The following RBM33 variants were observed in gnomAD, a reference collection of about 807,000 sequenced individuals.
The protein encoded by RBM33 is RNA binding motif protein 33, also known as RNA-binding protein 33.
RBM33 carries 28 observed loss-of-function variants against 132.6 expected under a neutral mutation model. The observed-to-expected ratio is 0.21, with a 90% confidence interval of 0.16 to 0.29. The LOEUF (loss-of-function observed/expected upper bound fraction) is 0.29. Ranked by LOEUF, RBM33 falls within the 10% of genes least tolerant of loss-of-function variation. RBM33 has a pLI of 1.00. For synonymous variants in RBM33, 634 were observed against 593.0 expected (o/e 1.07, Z -1.01); for missense variants, 1,291 against 1,518.5 (o/e 0.85, Z 2.49).
intron 14 of RBM33, among the ~76,000 whole-genome samples, chr7:155,748,273 T>C (rs926497495): frequency 6.6e-6 from 1 of 152,260 alleles, no homozygotes; most frequent in African/African-American, 2.4e-5. Context: ...TTCCCTTTTT[T>C]CTAATTTAAC....
At chr7:155,659,173 T>A (rs1563130437) in intron 1 of RBM33, among the ~76,000 whole-genome samples, 3 of 152,184 alleles carry the variant, frequency 2.0e-5, no homozygotes, top group African/African-American at 7.2e-5. Flanking sequence ...ATATCCAGTT[T>A]TAAATAGTAA....
Position 155,745,769 on chromosome 7 carries a change from A to G in RBM33, c.2979+167A>G, listed in dbSNP as rs28682883. 0.23 allele frequency: 155,828 copies of G among 674,042 alleles called. 20,439 individuals are homozygous for G. The highest frequency in any genetic ancestry group is 0.45 in the African/African-American group (24,986 of 55,196). 41.8% of individuals were successfully genotyped at this position (674,042 alleles called of 1,614,324 possible). A position where few individuals can be genotyped will look rare whatever the true frequency, so the allele number is the denominator to read the frequency against. On this transcript the variant is annotated intron_variant, in intron 14 of 17. Coordinates refer to ENST00000401878, the MANE Select transcript of RBM33 (RefSeq NM_053043.3). This position sits in a 1 kb window ranked among gnomAD's most constrained non-coding sequence, Gnocchi z 4.1. ...GGTATAAGAATTGCCGCTTGACGACAGGCATACATTCTCAGAAATGTGTTG... is the reference window on the plus strand; with the variant it reads ...GGTATAAGAATTGCCGCTTGACGACGGGCATACATTCTCAGAAATGTGTTG...
intron 9 of RBM33, among the ~76,000 whole-genome samples, chr7:155,735,010 C>A (rs10261098): frequency 1.3e-5 from 2 of 152,058 alleles, no homozygotes; most frequent in Non-Finnish European, 1.5e-5. Context: ...CTGCAACTTA[C>A]GATGGGGTTA....
chr7:155,673,985 T>TA (rs1241240992), intron 3 of RBM33, among the ~76,000 whole-genome samples: 2 of 133,020 alleles, frequency 1.5e-5, no homozygotes, highest in Admixed American at 1.5e-4. Context: ...GACACAGTCT[T>TA]ACTCTTGCCC....
Position 155,766,481 on chromosome 7 carries a change from AC to A in RBM33, c.3202del (p.Arg1068GlufsTer14), listed in dbSNP as rs1392759532. 1 of 1,613,450 alleles carries A rather than the reference AC, an allele frequency of 6.2e-7. No homozygotes were observed. The highest frequency in any genetic ancestry group is 8.5e-7 in the Non-Finnish European group (1 of 1,179,782). On this transcript the variant is annotated frameshift_variant, in exon 16 of 18. Coordinates refer to ENST00000401878, the MANE Select transcript of RBM33 (RefSeq NM_053043.3). LOFTEE classifies it high-confidence loss of function. ...HPAKKAIMHG[R>X]GRGVAGPMGR... ...GTTGTCACCAGGCCATCATGCACGGACGAGGCAGAGGAGTGGCCGGTCCCAT... is the reference window on the plus strand; with the variant it reads ...GTTGTCACCAGGCCATCATGCACGGAGAGGCAGAGGAGTGGCCGGTCCCAT...
chr7:155,672,645 T>C (rs1798973955), intron 2 of RBM33, among the ~76,000 whole-genome samples: 1 of 150,272 alleles, frequency 6.7e-6, no homozygotes, highest in South Asian at 2.1e-4. Flanking sequence ...CTTGGGAGGC[T>C]GAGGCAGGAG....
chr7:155,735,740 T>C (rs949501874), intron 9 of RBM33, among the ~76,000 whole-genome samples: 2 of 86,902 alleles, frequency 2.3e-5, no homozygotes, highest in Non-Finnish European at 4.5e-5. Context: ...TCTCTCTCTC[T>C]CCCTCTCTCA....
chr7:155,661,879 T>A (rs1798661152), intron 1 of RBM33, among the ~76,000 whole-genome samples: 1 of 152,216 alleles, frequency 6.6e-6, no homozygotes, highest in South Asian at 2.1e-4. Context: ...GCCTGCTTTT[T>A]GTTGTCGTTG....
intron 9 of RBM33, among the ~76,000 whole-genome samples, chr7:155,726,496 C>A (rs1478237221): frequency 6.6e-6 from 1 of 152,032 alleles, no homozygotes. Flanking sequence ...ATAATAATTT[C>A]TTACCTTGGA....
At chr7:155,693,453 T>TA (rs1055913328) in intron 5 of RBM33, among the ~76,000 whole-genome samples, 14 of 152,180 alleles carry the variant, frequency 9.2e-5, no homozygotes, top group Admixed American at 8.5e-4. Context: ...TTGTCTTTTT[T>TA]ATACCATCTG....
intron 9 of RBM33, among the ~76,000 whole-genome samples, chr7:155,728,017 A>C (rs1800842445): frequency 6.6e-6 from 1 of 152,092 alleles, no homozygotes; most frequent in Admixed American, 6.5e-5. Flanking sequence ...CAGTCAGCCC[A>C]CCTTGGGGTC....
Position 155,777,764 on chromosome 7 carries a change from G to A in RBM33, c.*2723G>A, listed in dbSNP as rs1488786594. ...GTCTTATCAAAGTTTAATGGATACA[G>A]TTCCACAGTTGTTGATGTGTTTGTG... On this transcript the variant is annotated 3_prime_UTR_variant, in exon 18 of 18. Coordinates refer to ENST00000401878, the MANE Select transcript of RBM33 (RefSeq NM_053043.3). The A allele has an allele frequency of 6.6e-6, 1 of 152,620 alleles. No individual in the cohort carries two copies. The highest frequency in any genetic ancestry group is 1.5e-5 in the Non-Finnish European group (1 of 68,040). The allele number at this position is 152,620 out of a possible 1,614,324, so 9.5% of individuals were successfully genotyped here. A position where few individuals can be genotyped will look rare whatever the true frequency, so the allele number is the denominator to read the frequency against.
intron 9 of RBM33, among the ~76,000 whole-genome samples, chr7:155,722,388 C>T (rs1585487668): frequency 6.6e-6 from 1 of 152,276 alleles, no homozygotes; most frequent in Middle Eastern, 3.4e-3. Context: ...TTTGTTTTGT[C>T]TTTTAAATAA....
intron 9 of RBM33, among the ~76,000 whole-genome samples, chr7:155,719,286 C>A (rs963889453): frequency 2.0e-5 from 3 of 151,818 alleles, no homozygotes; most frequent in African/African-American, 7.3e-5. Flanking sequence ...GTCTGATTTT[C>A]AGGGAGTATC....
At chr7:155,697,328 C>T (rs1799822307) in intron 5 of RBM33, among the ~76,000 whole-genome samples, 1 of 152,122 alleles carries the variant, frequency 6.6e-6, no homozygotes, top group Non-Finnish European at 1.5e-5. Context: ...TGGTGAGATT[C>T]CGTGTACTTT....
intron 3 of RBM33, among the ~76,000 whole-genome samples, chr7:155,675,439 A>G (rs1799156047): frequency 6.6e-6 from 1 of 151,970 alleles, no homozygotes; most frequent in African/African-American, 2.4e-5. Context: ...ATGTTTGTAT[A>G]TGCTACAGTG....
Position 155,650,780 on chromosome 7 carries a change from G to C in RBM33, c.43+5861G>C, listed in dbSNP as rs535366078. On this transcript the variant is annotated intron_variant, in intron 1 of 17. Coordinates refer to ENST00000401878, the MANE Select transcript of RBM33 (RefSeq NM_053043.3). ...TTTTATAAGATGAAAAGTCAATTAC[G>C]ATCATTTAAATTTTCCTAGAAAAAT... is the stretch of plus-strand genomic sequence containing the variant. Among the ~76,000 whole-genome samples, 4 of 152,254 alleles carry C rather than the reference G, an allele frequency of 2.6e-5. No individual in the cohort carries two copies. The South Asian group carries it at 8.3e-4, about 32-fold the overall frequency.
chr7:155,732,181 T>G (rs1259976130), intron 9 of RBM33, among the ~76,000 whole-genome samples: 1 of 152,088 alleles, frequency 6.6e-6, no homozygotes, highest in Admixed American at 6.5e-5. Context: ...TAGGAGAGAG[T>G]GGCAGTGTGT....
In RBM33 at chr7:155,658,493, G is replaced by A. The variant is rs546994337; in HGVS notation, c.44-6682G>A. Among the ~76,000 whole-genome samples, 17 of 150,918 alleles carry A rather than the reference G, an allele frequency of 1.1e-4. No homozygotes were observed. In the South Asian group the frequency reaches 3.6e-3, roughly 32 times the overall value. ...ACCTCTGGCCCACTGCAACCTCCGC[G>A]GGGTTCAAGTGATTCTCCTGCCTCA... On this transcript the variant is annotated intron_variant, in intron 1 of 17. Transcript: ENST00000401878.
Sources: gnomAD v4.1 joint callset for allele counts (sites outside exome capture counted in the v4.1 genomes callset) on GRCh38, gnomAD v4.1.1 for gene constraint, Gnocchi (gnomAD v3.1) non-coding constraint, MANE v1.5 for transcripts, NCBI Gene and HGNC (gene_info 2026-07-23, HGNC 2026-07-21) for gene names.